Variants in PHLPP1 observed in about 807,000 individuals in gnomAD.
The protein encoded by PHLPP1 is PH domain leucine-rich repeat-containing protein phosphatase 1.
PHLPP1 carries 42 observed loss-of-function variants against 117.2 expected under a neutral mutation model. That is an observed-to-expected ratio of 0.36 (90% confidence interval 0.28 to 0.46). PHLPP1 has a LOEUF of 0.46. PHLPP1 is among the 20% of genes least tolerant of loss of function. The pLI is 1.00. For synonymous variants in PHLPP1, 1,042 were observed against 970.7 expected, an observed-to-expected ratio of 1.07 and a Z score of -1.37; for missense variants, 2,084 against 2,241.9, an observed-to-expected ratio of 0.93 and a Z score of 1.42.
chr18:62,762,355 TAAAAG>T (rs1329568741), intron 1 of PHLPP1, among the ~76,000 whole-genome samples: 2 of 150,512 alleles, frequency 1.3e-5, no homozygotes, highest in African/African-American at 2.4e-5. Context: ...AAAAAAACCT[TAAAAG>T]AAACTAGTGT....
At chr18:62,906,027 T>G (rs1916840222) in intron 8 of PHLPP1, among the ~76,000 whole-genome samples, 1 of 152,104 alleles carries the variant, frequency 6.6e-6, no homozygotes, top group South Asian at 2.1e-4. Flanking sequence ...CCAAAGGAGA[T>G]ACACAAAAAT....
At chr18:62,761,040 T>C (rs115205407) in intron 1 of PHLPP1, among the ~76,000 whole-genome samples, 305 of 151,996 alleles carry the variant, frequency 2.0e-3, no homozygotes, top group African/African-American at 6.4e-3. Context: ...TTTTTTTGTA[T>C]TTTTTGTAGC....
At position 62,972,694 on chromosome 18, in the gene PHLPP1, C is replaced by A; in HGVS notation, c.3741C>A (p.Phe1247Leu). The A allele has an allele frequency of 6.2e-7, 1 of 1,611,350 alleles. No individual in the cohort carries two copies. Among genetic ancestry groups the A allele is most frequent in the South Asian group, 1.1e-5 (1 of 90,954 alleles). The part of the protein sequence containing the change: ...KNEEEYMVNT[F>L]IVMQRKLGTA... Reference sequence around the variant, plus strand: ...AAGAAGAATACATGGTCAATACATTCATTGTCATGCAAAGGTAAAACTCAG... The same window carrying A: ...AAGAAGAATACATGGTCAATACATTAATTGTCATGCAAAGGTAAAACTCAG... The change falls in exon 15 of 17, where the codon TTC becomes TTA. Residue 1247 changes from phenylalanine (F) to leucine (L), a missense_variant. Transcript: ENST00000262719.
chr18:62,771,848 C>T (rs1013415084), intron 1 of PHLPP1, among the ~76,000 whole-genome samples: 59 of 152,244 alleles, frequency 3.9e-4, no homozygotes, highest in Admixed American at 3.3e-3. Flanking sequence ...GCCATTTTCA[C>T]CAGTCATCAA....
At chr18:62,859,086 C>G (rs1019844880) in intron 3 of PHLPP1, among the ~76,000 whole-genome samples, 27 of 152,076 alleles carry the variant, frequency 1.8e-4, no homozygotes, top group Admixed American at 6.5e-5. Context: ...GGAACAGAAA[C>G]CTGGGGTTTG....
At chr18:62,949,242 A>G (rs372168841) in intron 12 of PHLPP1, among the ~76,000 whole-genome samples, 13 of 152,350 alleles carry the variant, frequency 8.5e-5, no homozygotes, top group South Asian at 6.2e-4. Context: ...AAGCATTGCT[A>G]TCTTTTCAGA....
intron 4 of PHLPP1, among the ~76,000 whole-genome samples, chr18:62,874,312 A>G (rs1405304115): frequency 6.6e-6 from 1 of 152,144 alleles, no homozygotes; most frequent in Non-Finnish European, 1.5e-5. Context: ...GTTTGCGACC[A>G]GCCTGACCAA....
At chr18:62,741,724 A>T (rs564952139) in intron 1 of PHLPP1, among the ~76,000 whole-genome samples, 1 of 149,114 alleles carries the variant, frequency 6.7e-6, no homozygotes, top group African/African-American at 2.5e-5. Flanking sequence ...TATGCAGTGA[A>T]TTCTTGTTTA....
chr18:62,852,651 G>A (rs776347099), intron 3 of PHLPP1, among the ~76,000 whole-genome samples: 2 of 152,098 alleles, frequency 1.3e-5, no homozygotes, highest in Non-Finnish European at 2.9e-5. Context: ...CAGGTTGACA[G>A]CAGTGTTTCA....
chr18:62,737,946 A>G (rs1292190413), intron 1 of PHLPP1, among the ~76,000 whole-genome samples: 1 of 152,092 alleles, frequency 6.6e-6, no homozygotes, highest in African/African-American at 2.4e-5. Context: ...TTCACTCCTG[A>G]ACTAATTTGA....
chr18:62,806,199 C>T (rs1913947427), intron 1 of PHLPP1, among the ~76,000 whole-genome samples: 1 of 152,094 alleles, frequency 6.6e-6, no homozygotes, highest in South Asian at 2.1e-4. Context: ...TGTATAAACA[C>T]TTAGAAGAAG....
chr18:62,806,676 A>G (rs550266707), intron 1 of PHLPP1, among the ~76,000 whole-genome samples: 7 of 152,212 alleles, frequency 4.6e-5, no homozygotes, highest in Non-Finnish European at 8.8e-5. Flanking sequence ...TGGGCTATCT[A>G]AATGTTGTTT....
chr18:62,811,558 T>A (rs866779329), intron 1 of PHLPP1, among the ~76,000 whole-genome samples: 2 of 151,612 alleles, frequency 1.3e-5, no homozygotes, highest in African/African-American at 2.4e-5. Flanking sequence ...TTTTTTTTTT[T>A]AACTTCCTTT....
In PHLPP1 at chr18:62,716,037, C is replaced by G; in HGVS notation, c.354C>G (p.Ser118=). 2.1e-6 allele frequency: 3 copies of G among 1,426,650 alleles called. No homozygotes were observed. The South Asian group carries it at 4.3e-5, about 21-fold the overall frequency. 88.4% of individuals were successfully genotyped at this position (1,426,650 alleles called of 1,614,324 possible). The change falls in exon 1 of 17, where the codon TCC becomes TCG. Residue 118 remains serine (S), a synonymous_variant. Coordinates refer to ENST00000262719, the MANE Select transcript of PHLPP1 (RefSeq NM_194449.4). This position sits in a 1 kb window ranked among gnomAD's most constrained non-coding sequence, Gnocchi z 5.7. ...PVPGAGGGAN[S]LLLRRGRLKR... is the part of the protein sequence containing the mutation. Reference sequence around the variant, plus strand: ...CCGGGGCCGGCGGCGGCGCCAACTCCCTCCTGCTGAGGAGAGGGCGGCTGA... The same window carrying G: ...CCGGGGCCGGCGGCGGCGCCAACTCGCTCCTGCTGAGGAGAGGGCGGCTGA...
intron 3 of PHLPP1, among the ~76,000 whole-genome samples, chr18:62,840,606 C>T (rs990996745): frequency 1.3e-5 from 2 of 152,166 alleles, no homozygotes; most frequent in African/African-American, 2.4e-5. Flanking sequence ...CAATTGCCTA[C>T]GCTCTGCTTT....
chr18:62,943,208 C>T (rs1267728572), intron 11 of PHLPP1, among the ~76,000 whole-genome samples: 3 of 152,116 alleles, frequency 2.0e-5, no homozygotes, highest in Admixed American at 2.0e-4. Context: ...TAAAAAAATC[C>T]ATCTAGGAAT....
chr18:62,927,486 GAAATT>G (rs1406470995), intron 10 of PHLPP1, among the ~76,000 whole-genome samples: 1 of 152,048 alleles, frequency 6.6e-6, no homozygotes. Flanking sequence ...ATAAAACAAA[GAAATT>G]AAGGAACTGA....
chr18:62,856,873 A>C (rs552915028), intron 3 of PHLPP1, among the ~76,000 whole-genome samples: 1 of 151,356 alleles, frequency 6.6e-6, no homozygotes, highest in East Asian at 1.9e-4. Flanking sequence ...ACTCTCACCA[A>C]CCTATTTAAA....
At chr18:62,964,276 A>G (rs1910846920) in intron 14 of PHLPP1, among the ~76,000 whole-genome samples, 1 of 152,192 alleles carries the variant, frequency 6.6e-6, no homozygotes, top group African/African-American at 2.4e-5. Context: ...TAGAATCAGT[A>G]AGGTAAGGAA....
Sources: allele counts gnomAD v4.1 joint callset (sites outside exome capture counted in the v4.1 genomes callset), GRCh38; gene constraint gnomAD v4.1.1; non-coding constraint Gnocchi (gnomAD v3.1); transcripts MANE v1.5; gene names NCBI Gene and HGNC (gene_info 2026-07-23, HGNC 2026-07-21).